POU2F1: variants seen among roughly 807,000 people sequenced by gnomAD.
The protein encoded by POU2F1 is POU class 2 homeobox 1, also known as POU domain, class 2, transcription factor 1.
POU2F1 carries 16 observed loss-of-function variants against 84.9 expected under a neutral mutation model. That is an observed-to-expected ratio of 0.19 (90% confidence interval 0.13 to 0.29). The LOEUF is 0.29. Among genes scored for constraint, POU2F1 ranks in the 10% least tolerant of loss-of-function variants. POU2F1 has a pLI of 1.00. For missense variants in POU2F1, 738 were observed against 942.6 expected, an observed-to-expected ratio of 0.78 and a Z score of 2.84; for synonymous variants, 368 against 368.3, an observed-to-expected ratio of 1.00 and a Z score of 0.01.
intron 6 of POU2F1, 101 bp downstream of exon 6, chr1:167,374,397 A>G (rs907329300): frequency 6.0e-6 from 7 of 1,174,924 alleles, no homozygotes; most frequent in Non-Finnish European, 8.2e-6. Context: ...GTGGGGCCTT[A>G]ACTGCCTGAG....
chr1:167,406,624 A>G (rs1484968256), intron 13 of POU2F1, among the ~76,000 whole-genome samples: 1 of 152,184 alleles, frequency 6.6e-6, no homozygotes, highest in Non-Finnish European at 1.5e-5. Context: ...TAAGGAATTC[A>G]CCAAAAAAAG....
rs553716143 is a variant in POU2F1, at chr1:167,238,912, G to C, written c.61+17954G>C. The stretch of plus-strand genomic sequence containing the variant: ...AGTTGGCTACTCAGATGGGTGGCTA[G>C]AGTGTACTTTGCCCTAAACAGTGCA... On this transcript the variant is annotated intron_variant, in intron 1 of 15. Coordinates refer to ENST00000367866, the MANE Select transcript of POU2F1 (RefSeq NM_002697.4). Among the ~76,000 whole-genome samples the C allele has an allele frequency of 3.0e-4, 45 of 152,306 alleles. No individual in the cohort carries two copies. The South Asian group carries it at 7.3e-3, about 25-fold the overall frequency.
intron 4 of POU2F1, 72 bp from the exon 5 acceptor site, chr1:167,371,845 A>G (rs1660018530): frequency 6.3e-7 from 1 of 1,580,114 alleles, no homozygotes. Flanking sequence ...GATTCCTAAA[A>G]GATGGGGTTT....
chr1:167,319,001 C>A (rs1656121942), intron 1 of POU2F1: 2 of 153,560 alleles, frequency 1.3e-5, no homozygotes, highest in South Asian at 1.8e-4. Flanking sequence ...ACTGGTTGTC[C>A]TGCTTTCCTC....
chr1:167,237,746 G>A lies in POU2F1; in HGVS notation c.61+16788G>A, dbSNP rs764362893. ...TTTTTAAATCCATATATGTGTGTGTGTATATATATATATATATATATATAT... is the reference window on the plus strand; with the variant it reads ...TTTTTAAATCCATATATGTGTGTGTATATATATATATATATATATATATAT... On this transcript the variant is annotated intron_variant, in intron 1 of 15. Transcript: ENST00000367866. Among the ~76,000 whole-genome samples, 510 of 72,996 alleles carry A rather than the reference G, an allele frequency of 7.0e-3. 3 individuals carry two copies. The highest frequency in any genetic ancestry group is 0.011 in the Admixed American group (49 of 4,548). 47.9% of individuals were successfully genotyped at this position (72,996 alleles called of 152,430 possible).
chr1:167,403,593 TCTGTTGAG>T (rs760510712), intron 13 of POU2F1, among the ~76,000 whole-genome samples: 2 of 152,252 alleles, frequency 1.3e-5, no homozygotes, highest in African/African-American at 2.4e-5. Flanking sequence ...TCTTTTTTTC[TCTGTTGAG>T]AAAAGTAGCA....
chr1:167,389,086 G>A (rs58707895), intron 8 of POU2F1, among the ~76,000 whole-genome samples: 6,734 of 152,148 alleles, frequency 0.044, 478 homozygotes, highest in African/African-American at 0.15. Flanking sequence ...CCTGTTATAA[G>A]CTATTTAAAC....
intron 1 of POU2F1, among the ~76,000 whole-genome samples, chr1:167,259,630 T>TA (rs1399167172): frequency 1.3e-5 from 2 of 152,264 alleles, no homozygotes; most frequent in East Asian, 3.9e-4. Context: ...GTACAGTACA[T>TA]ATGTAAGCCT....
chr1:167,261,414 G>C (rs1410744070), intron 1 of POU2F1, among the ~76,000 whole-genome samples: 1 of 152,302 alleles, frequency 6.6e-6, no homozygotes, highest in Non-Finnish European at 1.5e-5. Flanking sequence ...GGGCCAGTGA[G>C]CATGAACGGT....
chr1:167,254,347 C>T (rs1460779917), intron 1 of POU2F1, among the ~76,000 whole-genome samples: 1 of 152,114 alleles, frequency 6.6e-6, no homozygotes, highest in African/African-American at 2.4e-5. Context: ...TTCTTAGCAT[C>T]CTGAGGCTAG....
At chr1:167,244,802 AT>A (rs1192326049) in intron 1 of POU2F1, among the ~76,000 whole-genome samples, 1 of 152,202 alleles carries the variant, frequency 6.6e-6, no homozygotes, top group African/African-American at 2.4e-5. Context: ...TTGGTGGAAC[AT>A]GTATGGGAGA....
At chr1:167,235,460 G>A (rs765901880) in intron 1 of POU2F1, among the ~76,000 whole-genome samples, 1 of 152,158 alleles carries the variant, frequency 6.6e-6, no homozygotes, top group Non-Finnish European at 1.5e-5. Context: ...GATTTCAGGC[G>A]ATTAGACTAT....
At chr1:167,255,635 A>G (rs1271015884) in intron 1 of POU2F1, among the ~76,000 whole-genome samples, 4 of 152,196 alleles carry the variant, frequency 2.6e-5, no homozygotes, top group Admixed American at 6.5e-5. Flanking sequence ...ATGGGTTGAC[A>G]TAGCCACAAG....
At chr1:167,376,901 C>A (rs1284683257) in intron 7 of POU2F1, among the ~76,000 whole-genome samples, 1 of 152,082 alleles carries the variant, frequency 6.6e-6, no homozygotes, top group Non-Finnish European at 1.5e-5. Context: ...AATTTAGTGG[C>A]AGGGAAACAG....
chr1:167,274,960 C>G (rs930405813), intron 1 of POU2F1, among the ~76,000 whole-genome samples: 1 of 151,534 alleles, frequency 6.6e-6, no homozygotes, highest in Non-Finnish European at 1.5e-5. Flanking sequence ...ACTTTTAGTC[C>G]TGAGATTTGC....
intron 2 of POU2F1, chr1:167,337,966 A>ATG (rs1156229682): frequency 3.5e-4 from 128 of 370,432 alleles, no homozygotes; most frequent in Non-Finnish European, 4.7e-4. Flanking sequence ...GCCTTCTTTT[A>ATG]CAGCATGGAC....
chr1:167,289,773 T>C (rs1653787128), intron 1 of POU2F1, among the ~76,000 whole-genome samples: 1 of 152,208 alleles, frequency 6.6e-6, no homozygotes, highest in Non-Finnish European at 1.5e-5. Context: ...TCAAACCCAT[T>C]TGAAAACGTT....
intron 2 of POU2F1, among the ~76,000 whole-genome samples, chr1:167,343,743 A>G (rs2101763445): frequency 7.4e-6 from 1 of 134,362 alleles, no homozygotes; most frequent in South Asian, 2.4e-4. Context: ...CGGGGCTGGG[A>G]GAGATGTGGT....
chr1:167,384,016 ATTT>A, intron 8 of POU2F1, 65 bp downstream of exon 8: 5 of 1,299,006 alleles, frequency 3.8e-6, no homozygotes, highest in South Asian at 2.9e-5. Flanking sequence ...TTTGGACTTT[ATTT>A]AATTTTTTTT....
Sources: gnomAD v4.1 joint callset for allele counts (sites outside exome capture counted in the v4.1 genomes callset) on GRCh38, gnomAD v4.1.1 for gene constraint, MANE v1.5 for transcripts, NCBI Gene and HGNC (gene_info 2026-07-23, HGNC 2026-07-21) for gene names.